The following FRMD5 variants were observed in gnomAD, a reference collection of about 807,000 sequenced individuals.
The protein encoded by FRMD5 is FERM domain containing 5.
A neutral mutation model predicts 69.0 loss-of-function variants in FRMD5; 20 were observed. The ratio of observed to expected loss-of-function variants is 0.29; its 90% CI spans 0.20 to 0.42. The LOEUF (loss-of-function observed/expected upper bound fraction) is 0.42, where lower values mean the gene tolerates loss of function less well. FRMD5 is among the 10% of genes least tolerant of loss of function. The probability of loss-of-function intolerance (pLI) is 1.00; values close to 1 mark genes in which losing one functional copy is unlikely to be tolerated. For synonymous variants in FRMD5, 271 were observed against 260.1 expected, an observed-to-expected ratio of 1.04 and a Z score of -0.40; for missense variants, 595 against 708.6, an observed-to-expected ratio of 0.84 and a Z score of 1.82.
chr15:44,067,257 A>T (rs1893350434), intron 1 of FRMD5, among the ~76,000 whole-genome samples: 1 of 152,218 alleles, frequency 6.6e-6, no homozygotes, highest in African/African-American at 2.4e-5. Flanking sequence ...TGTGCCATGA[A>T]TTAGGTGTAC....
intron 1 of FRMD5, among the ~76,000 whole-genome samples, chr15:43,956,249 T>C (rs2090114007): frequency 6.6e-6 from 1 of 152,194 alleles, no homozygotes; most frequent in African/African-American, 2.4e-5. Context: ...GTCAAGTAAG[T>C]CAAGGAACTT....
At chr15:44,169,910 G>T (rs546006986) in intron 1 of FRMD5, among the ~76,000 whole-genome samples, 1 of 152,188 alleles carries the variant, frequency 6.6e-6, no homozygotes, top group Non-Finnish European at 1.5e-5. Context: ...ATATTCAGAG[G>T]TGAATATAAT....
chr15:44,076,105 T>C (rs1305942061), intron 1 of FRMD5, among the ~76,000 whole-genome samples: 1 of 152,082 alleles, frequency 6.6e-6, no homozygotes, highest in Non-Finnish European at 1.5e-5. Context: ...TTTTCTCCCA[T>C]TAAAAAGTCA....
At chr15:44,001,043 T>A (rs1198019703) in intron 1 of FRMD5, among the ~76,000 whole-genome samples, 4 of 152,202 alleles carry the variant, frequency 2.6e-5, no homozygotes, top group Admixed American at 2.6e-4. Flanking sequence ...TTCTCACCGA[T>A]AACAAGTATT....
chr15:44,109,379 C>T (rs2076765384), intron 1 of FRMD5, among the ~76,000 whole-genome samples: 1 of 152,108 alleles, frequency 6.6e-6, no homozygotes, highest in Non-Finnish European at 1.5e-5. Context: ...AGAATATTTT[C>T]CCATTTAAAT....
At chr15:44,033,303 T>C (rs1041183853) in intron 1 of FRMD5, among the ~76,000 whole-genome samples, 7 of 152,060 alleles carry the variant, frequency 4.6e-5, no homozygotes, top group Admixed American at 4.6e-4. Context: ...GGGCTTAATA[T>C]CTGGGTGATG....
In FRMD5 at chr15:43,965,169, T is replaced by C. The variant is rs1035120231; in HGVS notation, c.103-40860A>G. Among the ~76,000 whole-genome samples the C allele has an allele frequency of 2.6e-5, 4 of 152,046 alleles. No individual in the cohort carries two copies. In the South Asian group the frequency reaches 8.3e-4, roughly 32 times the overall value. On this transcript the variant is annotated intron_variant, in intron 1 of 13. Transcript: ENST00000417257. ...AAGATGCACAAAAGCAAATACAGAGTACAGAGGCAGGGCTTGAAGGAACGG... is the reference window on the plus strand; with the variant it reads ...AAGATGCACAAAAGCAAATACAGAGCACAGAGGCAGGGCTTGAAGGAACGG...
chr15:44,022,763 A>G (rs115071426), intron 1 of FRMD5, among the ~76,000 whole-genome samples: 2,482 of 152,224 alleles, frequency 0.016, 68 homozygotes, highest in East Asian at 0.052. Flanking sequence ...GGAGAGGAAG[A>G]AAGAGACTTG....
intron 2 of FRMD5, among the ~76,000 whole-genome samples, chr15:43,923,486 G>C (rs1011666908): frequency 6.6e-6 from 1 of 152,318 alleles, no homozygotes; most frequent in African/African-American, 2.4e-5. Context: ...GTGGAGTGTG[G>C]AGCGGTAAGG....
intron 1 of FRMD5, among the ~76,000 whole-genome samples, chr15:43,930,774 G>A (rs1210023598): frequency 6.6e-6 from 1 of 152,206 alleles, no homozygotes; most frequent in African/African-American, 2.4e-5. Flanking sequence ...AACTGGCTTT[G>A]CTCATCGCCA....
At chr15:44,119,740 T>G (rs2076920500) in intron 1 of FRMD5, among the ~76,000 whole-genome samples, 1 of 151,934 alleles carries the variant, frequency 6.6e-6, no homozygotes, top group South Asian at 2.1e-4. Context: ...TTTTTTTTTT[T>G]TTTTTTTAAG....
intron 1 of FRMD5, among the ~76,000 whole-genome samples, chr15:43,986,739 G>A (rs1178443783): frequency 6.6e-6 from 1 of 150,898 alleles, no homozygotes; most frequent in Non-Finnish European, 1.5e-5. Context: ...TTATAAATAC[G>A]GACATACCTG....
In FRMD5 at chr15:43,965,222, T is replaced by C. The variant is rs141153103; in HGVS notation, c.103-40913A>G. ...AGAGACTTTTCCTGATTCTTCTCTATATTTACTGCATTCTATCTCCTGAGA... is the reference window on the plus strand; with the variant it reads ...AGAGACTTTTCCTGATTCTTCTCTACATTTACTGCATTCTATCTCCTGAGA... On this transcript the variant is annotated intron_variant, in intron 1 of 13. Coordinates refer to ENST00000417257, the MANE Select transcript of FRMD5 (RefSeq NM_032892.5). Among the ~76,000 whole-genome samples the C allele has an allele frequency of 2.0e-5, 3 of 152,346 alleles. No homozygotes were observed. The East Asian group carries it at 5.8e-4, about 29-fold the overall frequency.
intron 1 of FRMD5, among the ~76,000 whole-genome samples, chr15:44,167,572 G>T (rs2077731005): frequency 6.6e-6 from 1 of 151,744 alleles, no homozygotes; most frequent in Non-Finnish European, 1.5e-5. Context: ...AAACACTTTA[G>T]TGAGGCATTT....
intron 4 of FRMD5, among the ~76,000 whole-genome samples, chr15:43,912,394 C>A (rs113417381): frequency 2.0e-5 from 3 of 152,154 alleles, no homozygotes; most frequent in African/African-American, 7.2e-5. Context: ...CGAAATGCCA[C>A]ACGGTGTGTG....
At chr15:44,180,722 T>G (rs187127169) in intron 1 of FRMD5, among the ~76,000 whole-genome samples, 125 of 152,216 alleles carry the variant, frequency 8.2e-4, no homozygotes, top group African/African-American at 2.9e-3. Flanking sequence ...GAGGCAGAAG[T>G]TGCAGTGAGC....
At chr15:44,062,724 A>G (rs766800004) in intron 1 of FRMD5, among the ~76,000 whole-genome samples, 13 of 151,316 alleles carry the variant, frequency 8.6e-5, no homozygotes, top group Non-Finnish European at 1.3e-4. Flanking sequence ...GGGAGAATGT[A>G]CATAGGTTAC....
intron 1 of FRMD5, among the ~76,000 whole-genome samples, chr15:44,008,634 T>C (rs374824535): frequency 7.2e-5 from 11 of 152,158 alleles, no homozygotes; most frequent in African/African-American, 2.4e-4. Flanking sequence ...TGTATTTTCA[T>C]TGTGGAAGCT....
chr15:44,144,227 T>C (rs558284024), intron 1 of FRMD5, among the ~76,000 whole-genome samples: 21 of 152,288 alleles, frequency 1.4e-4, no homozygotes, highest in Admixed American at 1.3e-3. Context: ...GTTGAGGATA[T>C]CTATAGAGTA....
Sources: allele counts gnomAD v4.1 joint callset (sites outside exome capture counted in the v4.1 genomes callset), GRCh38; gene constraint gnomAD v4.1.1; transcripts MANE v1.5; gene names NCBI Gene and HGNC (gene_info 2026-07-23, HGNC 2026-07-21).